Variants in ZNF678 observed in about 807,000 individuals in gnomAD.
ZNF678 encodes zinc finger protein 678.
Under a neutral mutation model 3.0 loss-of-function variants are expected in ZNF678, and 5 were observed. That is an observed-to-expected ratio of 1.69 (90% confidence interval 0.88 to 3.56). The LOEUF (loss-of-function observed/expected upper bound fraction) is 3.56, where lower values mean the gene tolerates loss of function less well. Ranked by LOEUF, ZNF678 falls within the 30% of genes most tolerant of loss-of-function variation. The pLI is 0.00. For synonymous variants in ZNF678, 218 were observed against 199.6 expected (o/e 1.09, Z -0.78); for missense variants, 593 against 605.0 (o/e 0.98, Z 0.21).
intron 1 of ZNF678, among the ~76,000 whole-genome samples, chr1:227,619,565 G>T (rs1254072679): frequency 6.6e-6 from 1 of 151,656 alleles, no homozygotes; most frequent in East Asian, 1.9e-4. Context: ...AGGCTGGAGT[G>T]CAGTGGCATG....
chr1:227,662,415 A>T lies in ZNF678; in HGVS notation c.*6587A>T, dbSNP rs898300312. On this transcript the variant is annotated 3_prime_UTR_variant, in exon 4 of 4. Coordinates refer to ENST00000343776, the MANE Select transcript of ZNF678 (RefSeq NM_001367909.1). ...GTTTTATTTTTTTCTGTTTGGAAAG[A>T]ATACACAGAGCAAGATGATTTACAA... 3.3e-5 allele frequency: 5 copies of T among 152,182 alleles called. No individual in the cohort carries two copies. The highest frequency in any genetic ancestry group is 4.8e-5 in the African/African-American group (2 of 41,452). 9.4% of individuals were successfully genotyped at this position (152,182 alleles called of 1,614,324 possible).
At chr1:227,635,399 T>C (rs1434079975) in intron 1 of ZNF678, among the ~76,000 whole-genome samples, 1 of 152,196 alleles carries the variant, frequency 6.6e-6, no homozygotes, top group Non-Finnish European at 1.5e-5. Flanking sequence ...CTATCTTATG[T>C]CATGAAGAAA....
chr1:227,582,457 G>A (rs1320561467), intron 1 of ZNF678: 1 of 156,526 alleles, frequency 6.4e-6, no homozygotes, highest in African/African-American at 2.4e-5. Context: ...AGGTAGCTAG[G>A]ACCACAGGGG....
downstream of ZNF678, chr1:227,662,544 A>G (rs1361145464): frequency 2.6e-5 from 4 of 152,224 alleles, no homozygotes; most frequent in Non-Finnish European, 5.9e-5. Flanking sequence ...AATGCTGGGA[A>G]ACTGCAGGGC....
intron 1 of ZNF678, among the ~76,000 whole-genome samples, chr1:227,625,830 C>T (rs571210138): frequency 4.6e-5 from 7 of 152,128 alleles, no homozygotes; most frequent in East Asian, 1.9e-4. Flanking sequence ...TCAGACATAC[C>T]GGTATGGGTG....
intron 5 of ZNF678, among the ~76,000 whole-genome samples, chr1:227,669,959 G>A (rs144882570): frequency 2.6e-5 from 4 of 152,240 alleles, no homozygotes; most frequent in African/African-American, 7.2e-5. Context: ...CTAGGTGCCC[G>A]ACAATGCTGG....
At chr1:227,588,344 A>T (rs915742437) in intron 1 of ZNF678, among the ~76,000 whole-genome samples, 1 of 152,142 alleles carries the variant, frequency 6.6e-6, no homozygotes, top group Non-Finnish European at 1.5e-5. Flanking sequence ...TTGGGTGTAC[A>T]TCTGGTAATG....
chr1:227,648,815 G>A (rs1659020691), intron 2 of ZNF678, among the ~76,000 whole-genome samples: 1 of 150,980 alleles, frequency 6.6e-6, no homozygotes, highest in Non-Finnish European at 1.5e-5. Context: ...CTGGGTGACA[G>A]AGCGAGACTC....
intron 1 of ZNF678, among the ~76,000 whole-genome samples, chr1:227,616,409 G>A (rs1488865652): frequency 1.3e-5 from 2 of 152,192 alleles, no homozygotes; most frequent in Admixed American, 6.5e-5. Flanking sequence ...TCCCAGTGCT[G>A]TTTCTCAGTA....
downstream of ZNF678, among the ~76,000 whole-genome samples, chr1:227,678,373 A>T (rs929074120): frequency 5.9e-5 from 9 of 152,148 alleles, no homozygotes; most frequent in Admixed American, 2.0e-4. Context: ...AGAGTCTGTG[A>T]TCGCTCTTTC....
At chr1:227,574,527 T>C (rs1483144136) in intron 1 of ZNF678, among the ~76,000 whole-genome samples, 2 of 151,502 alleles carry the variant, frequency 1.3e-5, no homozygotes, top group East Asian at 3.9e-4. Context: ...TGTGTTTTGG[T>C]TTTTTTTAAG....
intron 1 of ZNF678, among the ~76,000 whole-genome samples, chr1:227,608,950 C>T (rs1657946845): frequency 6.6e-6 from 1 of 152,106 alleles, no homozygotes; most frequent in African/African-American, 2.4e-5. Flanking sequence ...AAACTGGACT[C>T]TTGACAAGAA....
Position 227,596,064 on chromosome 1 carries a change from G to A in ZNF678, c.-164+32340G>A, listed in dbSNP as rs182787956. Among the ~76,000 whole-genome samples, 1,055 of 152,068 alleles carry A rather than the reference G, an allele frequency of 6.9e-3. 8 individuals carry two copies. Among genetic ancestry groups the A allele is most frequent in the African/African-American group, 0.021 (865 of 41,346 alleles). On this transcript the variant is annotated intron_variant, in intron 1 of 3. Coordinates refer to ENST00000343776, the MANE Select transcript of ZNF678 (RefSeq NM_001367909.1). ...CTTCCCGGTGTTTAGCCACTGCATT[G>A]ATCCTCCATGGGAGCCTGCCACACA...
intron 1 of ZNF678, among the ~76,000 whole-genome samples, chr1:227,565,818 G>A (rs968809464): frequency 2.0e-5 from 3 of 151,970 alleles, no homozygotes; most frequent in South Asian, 2.1e-4. Flanking sequence ...GGAGCGCAGT[G>A]GCCTGATCTT....
chr1:227,605,112 C>T (rs1055844797), intron 1 of ZNF678, among the ~76,000 whole-genome samples: 1 of 152,230 alleles, frequency 6.6e-6, no homozygotes, highest in African/African-American at 2.4e-5. Context: ...GCCTCGGCCT[C>T]CCAAAGTGCT....
chr1:227,633,528 G>A (rs1343605346), intron 1 of ZNF678, among the ~76,000 whole-genome samples: 2 of 152,108 alleles, frequency 1.3e-5, no homozygotes, highest in African/African-American at 2.4e-5. Context: ...ATTGTTAGTC[G>A]GCCTAGGAAA....
chr1:227,644,992 G>C (rs1306761169), intron 1 of ZNF678, among the ~76,000 whole-genome samples: 5 of 152,190 alleles, frequency 3.3e-5, no homozygotes, highest in Non-Finnish European at 5.9e-5. Flanking sequence ...TTTTGGTTTG[G>C]TGTGGTCAAG....
chr1:227,632,513 C>A (rs1011847896), intron 1 of ZNF678, among the ~76,000 whole-genome samples: 1 of 152,086 alleles, frequency 6.6e-6, no homozygotes, highest in African/African-American at 2.4e-5. Context: ...GGGACAACAG[C>A]TTTCTGCCTC....
intron 5 of ZNF678, among the ~76,000 whole-genome samples, chr1:227,675,970 G>T (rs995562201): frequency 6.6e-6 from 1 of 152,126 alleles, no homozygotes; most frequent in Non-Finnish European, 1.5e-5. Context: ...CAGGTTTTAG[G>T]TCAAGATAAA....
Sources: gnomAD v4.1 joint callset for allele counts (sites outside exome capture counted in the v4.1 genomes callset) on GRCh38, gnomAD v4.1.1 for gene constraint, MANE v1.5 for transcripts, NCBI Gene and HGNC (gene_info 2026-07-23, HGNC 2026-07-21) for gene names.